Variants in EPCIP observed in about 807,000 individuals in gnomAD.
EPCIP encodes the protein exosomal polycystin-1-interacting protein.
chr21:32,795,865 TAA>T, the EPCIP span, among the ~76,000 whole-genome samples: 1 of 152,198 alleles, frequency 6.6e-6, no homozygotes, highest in Non-Finnish European at 1.5e-5. Flanking sequence ...CTCTGCCGCG[TAA>T]ACTTGAACAG....
chr21:32,793,170 T>C, the EPCIP span, among the ~76,000 whole-genome samples: 1 of 152,102 alleles, frequency 6.6e-6, no homozygotes, highest in African/African-American at 2.4e-5. Flanking sequence ...TTGGTCAGGC[T>C]GGTCTTGAAC....
the EPCIP span, among the ~76,000 whole-genome samples, chr21:32,807,148 G>A: frequency 4.1e-3 from 625 of 152,184 alleles, 1 homozygote; most frequent in Non-Finnish European, 4.8e-3. Flanking sequence ...GATTTGAGTG[G>A]GGACACAGCC....
At chr21:32,793,256 C>G in the EPCIP span, among the ~76,000 whole-genome samples, 2 of 152,176 alleles carry the variant, frequency 1.3e-5, no homozygotes, top group Non-Finnish European at 1.5e-5. Context: ...TGTGCCCGAC[C>G]ATTTTATAAA....
At chr21:32,800,996 G>A in the EPCIP span, among the ~76,000 whole-genome samples, 141 of 152,236 alleles carry the variant, frequency 9.3e-4, 1 homozygote, top group African/African-American at 2.6e-3. Flanking sequence ...TCCTTCTTTA[G>A]CACACTGTTG....
chr21:32,799,639 C>T, the EPCIP span, among the ~76,000 whole-genome samples: 1 of 152,122 alleles, frequency 6.6e-6, no homozygotes, highest in Non-Finnish European at 1.5e-5. Flanking sequence ...ATTGCATTTC[C>T]ACTTTAAAAA....
At chr21:32,809,000 A>C in the EPCIP span, among the ~76,000 whole-genome samples, 2 of 151,762 alleles carry the variant, frequency 1.3e-5, no homozygotes, top group Non-Finnish European at 2.9e-5. Flanking sequence ...TCTAGGCACA[A>C]CTCCAAATGA....
chr21:32,807,489 C>T, the EPCIP span, among the ~76,000 whole-genome samples: 1 of 152,074 alleles, frequency 6.6e-6, no homozygotes, highest in Admixed American at 6.6e-5. Flanking sequence ...TGTGCCACCA[C>T]ACCCGGCTAA....
chr21:32,804,463 T>C, the EPCIP span, among the ~76,000 whole-genome samples: 2 of 151,976 alleles, frequency 1.3e-5, no homozygotes, highest in South Asian at 4.2e-4. Flanking sequence ...TTCTGTAGTA[T>C]TATGTATATT....
the EPCIP span, among the ~76,000 whole-genome samples, chr21:32,800,830 A>C: frequency 0.72 from 108,804 of 151,768 alleles, 39,862 homozygotes; most frequent in East Asian, 0.91. Context: ...AACCAAAAAA[A>C]AAAAAAACAT....
At chr21:32,811,426 A>G in the EPCIP span, among the ~76,000 whole-genome samples, 12 of 152,110 alleles carry the variant, frequency 7.9e-5, no homozygotes, top group Non-Finnish European at 1.8e-4. Context: ...GCCACTGCAT[A>G]TGGTCCCATT....
At chr21:32,803,084 T>C in the EPCIP span, among the ~76,000 whole-genome samples, 479 of 152,276 alleles carry the variant, frequency 3.1e-3, 5 homozygotes, top group African/African-American at 0.011. Context: ...GGGCTAGTTA[T>C]GGCAAACTAT....
the EPCIP span, among the ~76,000 whole-genome samples, chr21:32,801,607 A>G: frequency 1.3e-5 from 2 of 152,168 alleles, no homozygotes; most frequent in African/African-American, 4.8e-5. Flanking sequence ...TTGGGAAGCC[A>G]AGGTGGGCAG....
At chr21:32,808,984 A>G in the EPCIP span, among the ~76,000 whole-genome samples, 1 of 152,146 alleles carries the variant, frequency 6.6e-6, no homozygotes, top group African/African-American at 2.4e-5. Context: ...TGCCCATGAA[A>G]TAGTGTCTAG....
At chr21:32,794,485 C>T in the EPCIP span, 2 of 1,492,320 alleles carry the variant, frequency 1.3e-6, no homozygotes, top group Non-Finnish European at 1.8e-6. Flanking sequence ...TTGGAACTCA[C>T]CTGAAAGAAA....
chr21:32,806,067 C>T, the EPCIP span, among the ~76,000 whole-genome samples: 292 of 152,170 alleles, frequency 1.9e-3, 2 homozygotes, highest in Middle Eastern at 6.8e-3. Flanking sequence ...TGTGTCTTTC[C>T]AGCCCAAACG....
At chr21:32,797,780 T>TA in the EPCIP span, 1 of 151,904 alleles carries the variant, frequency 6.6e-6, no homozygotes, top group Non-Finnish European at 1.5e-5. Context: ...TAAAAAAAAA[T>TA]AAAAAAATAA....
chr21:32,810,556 C>A, the EPCIP span: 1 of 468,930 alleles, frequency 2.1e-6, no homozygotes, highest in Non-Finnish European at 4.4e-6. Flanking sequence ...CCACCATGCC[C>A]GGCCCTGATC....
At chr21:32,802,458 TCTTGTTTAA>T in the EPCIP span, among the ~76,000 whole-genome samples, 1 of 152,264 alleles carries the variant, frequency 6.6e-6, no homozygotes, top group South Asian at 2.1e-4. Context: ...TCTACTTAAA[TCTTGTTTAA>T]GGAAGGTAAC....
chr21:32,809,300 C>A, the EPCIP span, among the ~76,000 whole-genome samples: 1 of 125,052 alleles, frequency 8.0e-6, no homozygotes, highest in Non-Finnish European at 1.7e-5. Flanking sequence ...TTCTTTCTTT[C>A]TTTCTTTCTT....
Sources: gnomAD v4.1 joint callset for allele counts (sites outside exome capture counted in the v4.1 genomes callset) on GRCh38, gnomAD v4.1.1 for gene constraint, MANE v1.5 for transcripts, NCBI Gene and HGNC (gene_info 2026-07-23, HGNC 2026-07-21) for gene names.